SLC43A1: variants seen among roughly 807,000 people sequenced by gnomAD.
SLC43A1 encodes the protein large neutral amino acids transporter small subunit 3.
SLC43A1 carries 31 observed loss-of-function variants against 59.5 expected under a neutral mutation model. The ratio of observed to expected loss-of-function variants is 0.52; its 90% CI spans 0.39 to 0.70. The LOEUF is 0.70. Among genes scored for constraint, SLC43A1 ranks in the 30% least tolerant of loss-of-function variants. SLC43A1 has a pLI of 0.00. For missense variants in SLC43A1, 598 were observed against 717.8 expected, an observed-to-expected ratio of 0.83 and a Z score of 1.91; for synonymous variants, 259 against 290.9, an observed-to-expected ratio of 0.89 and a Z score of 1.12.
chr11:57,491,594 T>A lies in SLC43A1; in HGVS notation c.1051A>T (p.Thr351Ser). Residue 351 changes from threonine (T) to serine (S), a missense_variant, in exon 10 of 15, where the codon ACA (threonine) becomes TCA (serine). Coordinates refer to ENST00000278426, the MANE Select transcript of SLC43A1 (RefSeq NM_003627.6). ...GGCCCTGCTTTCATAGCCCTACCTG[T>A]CTCTGCCACCTTTTGTTGCTGTTCA... ...TNEQQQKVAETVGFYSSVFGA... is the reference protein window; with the variant it reads ...TNEQQQKVAESVGFYSSVFGA... The A allele has an allele frequency of 6.2e-7, 1 of 1,614,128 alleles. No individual in the cohort carries two copies. The highest frequency in any genetic ancestry group is 8.5e-7 in the Non-Finnish European group (1 of 1,180,022).
At position 57,514,299 on chromosome 11, in the gene SLC43A1, C is replaced by T; in HGVS notation, c.-13-175G>A. 1.4e-6 allele frequency: 1 copy of T among 695,250 alleles called. No individual in the cohort carries two copies. Among genetic ancestry groups the T allele is most frequent in the Non-Finnish European group, 2.3e-6 (1 of 427,416 alleles). 43.1% of individuals were successfully genotyped at this position (695,250 alleles called of 1,614,324 possible). A position where few individuals can be genotyped will look rare whatever the true frequency, so the allele number is the denominator to read the frequency against. ...AAGGAGCTGGCTCCGCGCGCACTAG[C>T]AGTGCCAGAGGTGCACGCGGCACGG... On this transcript the variant is annotated intron_variant, in intron 1 of 14. Coordinates refer to ENST00000278426, the MANE Select transcript of SLC43A1 (RefSeq NM_003627.6). This position sits in a 1 kb window ranked among gnomAD's most constrained non-coding sequence, Gnocchi z 5.5.
intron 2 of SLC43A1, among the ~76,000 whole-genome samples, chr11:57,504,505 T>G (rs140438910): frequency 1.4e-3 from 208 of 152,354 alleles, no homozygotes; most frequent in African/African-American, 4.7e-3. Flanking sequence ...ACCTACTTTG[T>G]GCCAATATTT....
In SLC43A1 at chr11:57,514,254, T is replaced by A; in HGVS notation, c.-13-130A>T. 1.8e-6 allele frequency: 2 copies of A among 1,140,140 alleles called. No homozygotes were observed. Among genetic ancestry groups the A allele is most frequent in the Non-Finnish European group, 2.4e-6 (2 of 831,650 alleles). 70.6% of individuals were successfully genotyped at this position (1,140,140 alleles called of 1,614,324 possible). On this transcript the variant is annotated intron_variant, in intron 1 of 14. Transcript: ENST00000278426. This position sits in a 1 kb window ranked among gnomAD's most constrained non-coding sequence, Gnocchi z 5.5. ...CCCTCATGGAGGCCCCATAGAGCCCTGGGCTTCCCAGCCGGTGCCAAGGAG... is the reference window on the plus strand; with the variant it reads ...CCCTCATGGAGGCCCCATAGAGCCCAGGGCTTCCCAGCCGGTGCCAAGGAG...
chr11:57,505,999 C>G (rs1944384965), intron 2 of SLC43A1, among the ~76,000 whole-genome samples: 1 of 152,208 alleles, frequency 6.6e-6, no homozygotes, highest in African/African-American at 2.4e-5. Context: ...GTGTTCCTTT[C>G]CTAACCCCAT....
intron 11 of SLC43A1, among the ~76,000 whole-genome samples, chr11:57,489,638 G>T (rs968920327): frequency 7.2e-5 from 11 of 152,194 alleles, no homozygotes; most frequent in Non-Finnish European, 1.5e-4. Flanking sequence ...AGATTCACAG[G>T]CCTCATCTCG....
In SLC43A1 at chr11:57,501,174, G is replaced by C; in HGVS notation, c.310C>G (p.Arg104Gly). 6.2e-7 allele frequency: 1 copy of C among 1,612,306 alleles called. No homozygotes were observed. The highest frequency in any genetic ancestry group is 8.5e-7 in the Non-Finnish European group (1 of 1,180,002). The change falls in exon 3 of 15, where the codon CGA becomes GGA. Residue 104 changes from arginine (R) to glycine (G), a missense_variant. Physicochemically the swap from Arg to Gly is moderately radical, Grantham distance 125. Coordinates refer to ENST00000278426, the MANE Select transcript of SLC43A1 (RefSeq NM_003627.6). ...CACCTGCCAACCAGCCGCACGGGTCGGGGGCCAAAGCGGTCCATGAGGATC... is the reference window on the plus strand; with the variant it reads ...CACCTGCCAACCAGCCGCACGGGTCCGGGGCCAAAGCGGTCCATGAGGATC... Reference protein sequence around the residue: ...LGILMDRFGPRPVRLVGSACF... With the variant: ...LGILMDRFGPGPVRLVGSACF...
At chr11:57,490,264 G>A (rs1029653759) in intron 11 of SLC43A1, among the ~76,000 whole-genome samples, 9 of 151,180 alleles carry the variant, frequency 6.0e-5, no homozygotes, top group Non-Finnish European at 1.0e-4. Context: ...AGCTGAGATC[G>A]TGCCACTGCA....
intron 11 of SLC43A1, 122 bp from the exon 12 acceptor site, chr11:57,489,514 C>G (rs1943841086): frequency 7.9e-7 from 1 of 1,258,568 alleles, no homozygotes; most frequent in African/African-American, 1.5e-5. Context: ...ACACAGAAAT[C>G]CATGTTTCTA....
At chr11:57,511,843 T>G (rs1184686866) in intron 2 of SLC43A1, among the ~76,000 whole-genome samples, 3 of 152,112 alleles carry the variant, frequency 2.0e-5, no homozygotes, top group African/African-American at 7.2e-5. Context: ...AATAGGTAAA[T>G]CTAACTTTTA....
chr11:57,492,642 A>T (rs1004225601), intron 8 of SLC43A1, among the ~76,000 whole-genome samples: 2 of 140,558 alleles, frequency 1.4e-5, no homozygotes, highest in African/African-American at 5.3e-5. Flanking sequence ...AGGCAGGAGG[A>T]TCACTTGAGC....
At chr11:57,496,275 T>C in intron 6 of SLC43A1, 111 bp from the exon 7 acceptor site, 1 of 1,265,590 alleles carries the variant, frequency 7.9e-7, no homozygotes, top group Non-Finnish European at 1.1e-6. Context: ...CCCTTGTCCT[T>C]GTGCCCAATT....
At chr11:57,513,732 G>T (rs1012468404) in intron 2 of SLC43A1, among the ~76,000 whole-genome samples, 1 of 152,210 alleles carries the variant, frequency 6.6e-6, no homozygotes, top group Non-Finnish European at 1.5e-5. Context: ...CCCAGGGTCT[G>T]GATGACCAGC....
At chr11:57,489,052 G>A (rs995865279) in intron 12 of SLC43A1, 63 bp from the exon 13 acceptor site, 30 of 1,545,896 alleles carry the variant, frequency 1.9e-5, no homozygotes, top group Admixed American at 6.7e-5. Flanking sequence ...GGAAGGAGGG[G>A]TAGGGCGAAG....
chr11:57,492,561 TATATATATATATAA>T (rs201960633), intron 8 of SLC43A1, among the ~76,000 whole-genome samples: 40,785 of 80,488 alleles, frequency 0.51, 7,664 homozygotes, highest in East Asian at 0.66. Context: ...TATATATATA[TATATATATATATAA>T]AAAAATAAGC....
In SLC43A1 at chr11:57,501,171, G is replaced by T. The variant is rs370202316; in HGVS notation, c.313C>A (p.Pro105Thr). 1 of 1,612,534 alleles carries T rather than the reference G, an allele frequency of 6.2e-7. No individual in the cohort carries two copies. Among genetic ancestry groups the T allele is most frequent in the East Asian group, 2.2e-5 (1 of 44,882 alleles). The change falls in exon 3 of 15, where the codon CCC (proline) becomes ACC (threonine). Residue 105 changes from proline to threonine, a missense_variant. Transcript: ENST00000278426. ...CCTCACCTGCCAACCAGCCGCACGGGTCGGGGGCCAAAGCGGTCCATGAGG... is the reference window on the plus strand; with the variant it reads ...CCTCACCTGCCAACCAGCCGCACGGTTCGGGGGCCAAAGCGGTCCATGAGG... ...GILMDRFGPR[P>T]VRLVGSACFT...
At chr11:57,511,298 C>A (rs535059401) in intron 2 of SLC43A1, among the ~76,000 whole-genome samples, 1 of 151,876 alleles carries the variant, frequency 6.6e-6, no homozygotes, top group Non-Finnish European at 1.5e-5. Context: ...TGTGTTGATG[C>A]GGGCCTGTAG....
At chr11:57,489,613 G>T (rs1943844032) in intron 11 of SLC43A1, among the ~76,000 whole-genome samples, 1 of 152,196 alleles carries the variant, frequency 6.6e-6, no homozygotes, top group Non-Finnish European at 1.5e-5. Flanking sequence ...CAAAGCGGGT[G>T]CTTTCTTAAC....
intron 2 of SLC43A1, among the ~76,000 whole-genome samples, chr11:57,512,123 G>A (rs1944563745): frequency 6.6e-6 from 1 of 152,172 alleles, no homozygotes; most frequent in Admixed American, 6.5e-5. Flanking sequence ...AAATGCAGGT[G>A]GAGGGATGAG....
chr11:57,484,931 TTCC>T lies in SLC43A1; in HGVS notation c.*162_*164del, dbSNP rs1943687801. 28 of 850,004 alleles carry T rather than the reference TTCC, an allele frequency of 3.3e-5. No homozygotes were observed. In the South Asian group the frequency reaches 5.7e-4, roughly 17 times the overall value. 52.7% of individuals were successfully genotyped at this position (850,004 alleles called of 1,614,324 possible). Reference sequence around the variant, plus strand: ...TAGGGGGCGTTTTTGAAGGTTTTTTTTCCTCCTTTTTGCAGTCTTTACAAAAAT... The same window carrying T: ...TAGGGGGCGTTTTTGAAGGTTTTTTTTCCTTTTTGCAGTCTTTACAAAAAT... On this transcript the variant is annotated 3_prime_UTR_variant, in exon 15 of 15. Transcript: ENST00000278426.
Sources: allele counts gnomAD v4.1 joint callset (sites outside exome capture counted in the v4.1 genomes callset), GRCh38; gene constraint gnomAD v4.1.1; non-coding constraint Gnocchi (gnomAD v3.1); transcripts MANE v1.5; gene names NCBI Gene and HGNC (gene_info 2026-07-23, HGNC 2026-07-21).